SAMD12: variants seen among roughly 807,000 people sequenced by gnomAD.
SAMD12 encodes sterile alpha motif domain-containing protein 12.
In SAMD12, 9 loss-of-function variants were observed where a neutral mutation model predicts 15.0. That is an observed-to-expected ratio of 0.60 (90% CI 0.36 to 1.05). The LOEUF (loss-of-function observed/expected upper bound fraction) is 1.05, where lower values mean the gene tolerates loss of function less well. Among genes scored for constraint, SAMD12 ranks in the 50% least tolerant of loss-of-function variants. The pLI, the probability that SAMD12 is intolerant of heterozygous loss-of-function variation, is 0.01. For synonymous variants in SAMD12, 86 were observed against 90.1 expected, an observed-to-expected ratio of 0.96 and a Z score of 0.25; for missense variants, 230 against 234.2, an observed-to-expected ratio of 0.98 and a Z score of 0.12.
the SAMD12 span, among the ~76,000 whole-genome samples, chr8:118,152,704 G>A: frequency 6.6e-5 from 10 of 152,158 alleles, no homozygotes; most frequent in South Asian, 1.7e-3. Context: ...TCACCATGTC[G>A]CTCAGGCTGG....
chr8:118,413,696 C>G (rs111714823), intron 3 of SAMD12, among the ~76,000 whole-genome samples: 1 of 152,136 alleles, frequency 6.6e-6, no homozygotes, highest in East Asian at 1.9e-4. Context: ...TACTACTTCT[C>G]ACCCTTCATC....
Position 118,524,501 on chromosome 8 carries a change from C to G in SAMD12, c.192+56214G>C, listed in dbSNP as rs150564891. 1.0e-3 allele frequency among the ~76,000 whole-genome samples: 157 copies of G among 152,208 alleles called. 1 individual carries two copies. The highest frequency in any genetic ancestry group is 3.3e-3 in the African/African-American group (138 of 41,540). On this transcript the variant is annotated intron_variant, in intron 2 of 3. Coordinates refer to ENST00000314727, the MANE Select transcript of SAMD12 (RefSeq NM_207506.3). ...CACTGCAGCTCTGCTCTTCCCTCCC[C>G]CTAGGATAACTCGCCCAGTCTCCAG...
rs192468126 is a variant in SAMD12, at chr8:118,620,621, G to A, written c.13+1183C>T. Among the ~76,000 whole-genome samples, 5 of 152,284 alleles carry A rather than the reference G, an allele frequency of 3.3e-5. No individual in the cohort carries two copies. In the East Asian group the frequency reaches 9.7e-4, roughly 29 times the overall value. On this transcript the variant is annotated intron_variant, in intron 1 of 3. Coordinates refer to ENST00000314727, the MANE Select transcript of SAMD12 (RefSeq NM_207506.3). Reference sequence around the variant, plus strand: ...GGGTGCTGAGTATAGGAGCTGGGTTGTTGCTACTTCAGGTTGTTAAGACAG... The same window carrying A: ...GGGTGCTGAGTATAGGAGCTGGGTTATTGCTACTTCAGGTTGTTAAGACAG...
At chr8:118,608,701 G>A (rs549481383) in intron 1 of SAMD12, among the ~76,000 whole-genome samples, 35 of 151,880 alleles carry the variant, frequency 2.3e-4, no homozygotes, top group Non-Finnish European at 4.1e-4. Flanking sequence ...ACAGGGTTTC[G>A]CTATGTTGGC....
intron 2 of SAMD12, among the ~76,000 whole-genome samples, chr8:118,539,588 C>T (rs1431605168): frequency 6.6e-6 from 1 of 152,022 alleles, no homozygotes; most frequent in Non-Finnish European, 1.5e-5. Context: ...CTGCCCATAC[C>T]CCCACCCCAG....
At chr8:118,608,525 A>T (rs1828033446) in intron 1 of SAMD12, among the ~76,000 whole-genome samples, 1 of 151,796 alleles carries the variant, frequency 6.6e-6, no homozygotes, top group Admixed American at 6.6e-5. Flanking sequence ...TGTTTTTGAG[A>T]TGGAGTCTCA....
At chr8:118,167,989 G>C in the SAMD12 span, among the ~76,000 whole-genome samples, 1 of 152,050 alleles carries the variant, frequency 6.6e-6, no homozygotes, top group Admixed American at 6.6e-5. Context: ...CACATGTTTT[G>C]GGAAGTACCC....
the SAMD12 span, among the ~76,000 whole-genome samples, chr8:118,149,048 G>A: frequency 1.3e-5 from 2 of 152,166 alleles, no homozygotes; most frequent in African/African-American, 4.8e-5. Flanking sequence ...TTGAGTATAT[G>A]CCTAAGTGGA....
intron 2 of SAMD12, among the ~76,000 whole-genome samples, chr8:118,546,267 A>C (rs1386233348): frequency 6.6e-6 from 1 of 152,240 alleles, no homozygotes; most frequent in African/African-American, 2.4e-5. Flanking sequence ...AGTAGCACTT[A>C]GCATTAAATG....
At chr8:118,270,350 TTA>T (rs1813324814) in intron 4 of SAMD12, among the ~76,000 whole-genome samples, 2 of 152,210 alleles carry the variant, frequency 1.3e-5, no homozygotes, top group Admixed American at 1.3e-4. Context: ...TTCTTTCCTT[TTA>T]TATGTTTGTG....
intron 4 of SAMD12, chr8:118,197,751 G>A (rs565645310): frequency 1.8e-5 from 29 of 1,610,946 alleles, no homozygotes; most frequent in Non-Finnish European, 2.5e-5. Flanking sequence ...AGAAAAAGGG[G>A]GAAATATGGT....
chr8:118,133,024 A>C, the SAMD12 span, among the ~76,000 whole-genome samples: 566 of 100,720 alleles, frequency 5.6e-3, 9 homozygotes, highest in African/African-American at 0.02. Context: ...ATATATATAT[A>C]TATCTTATTA....
intron 4 of SAMD12, among the ~76,000 whole-genome samples, chr8:118,334,689 AG>A (rs1191568758): frequency 6.6e-6 from 1 of 152,024 alleles, no homozygotes; most frequent in Non-Finnish European, 1.5e-5. Flanking sequence ...TCAACCTCCC[AG>A]GCTCAAGCGA....
At chr8:118,161,074 G>A in the SAMD12 span, among the ~76,000 whole-genome samples, 5 of 152,274 alleles carry the variant, frequency 3.3e-5, no homozygotes, top group African/African-American at 1.2e-4. Context: ...ATAGTTTGCT[G>A]AGAATGATGG....
In SAMD12 at chr8:118,552,959, G is replaced by A. The variant is rs1478417601; in HGVS notation, c.192+27756C>T. 5.3e-5 allele frequency among the ~76,000 whole-genome samples: 8 copies of A among 151,532 alleles called. No homozygotes were observed. In the East Asian group the frequency reaches 1.5e-3, roughly 29 times the overall value. On this transcript the variant is annotated intron_variant, in intron 2 of 3. Coordinates refer to ENST00000314727, the MANE Select transcript of SAMD12 (RefSeq NM_207506.3). ...GCTTCAAAGAGAATAAAATACCTAG[G>A]AATCCAACTTACAAGGGACATGAAG... is the stretch of plus-strand genomic sequence containing the variant.
In SAMD12 at chr8:118,243,461, A is replaced by ATT. The variant is rs78403611; in HGVS notation, c.434-45731_434-45730dup. 2.8e-3 allele frequency among the ~76,000 whole-genome samples: 430 copies of ATT among 151,718 alleles called. 11 individuals carry two copies. In the South Asian group the frequency reaches 0.048, roughly 17 times the overall value. Reference sequence around the variant, plus strand: ...TAACCTGCATGCACTGTACCACTCCATTTTTTTTAAAAAAAACTATATACT... The same window carrying ATT: ...TAACCTGCATGCACTGTACCACTCCATTTTTTTTTTAAAAAAAACTATATACT... On this transcript the variant is annotated intron_variant, in intron 4 of 4. Transcript: ENST00000409003.
In SAMD12 at chr8:118,452,077, C is replaced by A. The variant is rs539591316; in HGVS notation, c.193-12116G>T. Among the ~76,000 whole-genome samples the A allele has an allele frequency of 2.0e-5, 3 of 152,220 alleles. 1 individual carries two copies. The highest frequency in any genetic ancestry group is 7.2e-5 in the African/African-American group (3 of 41,504). Reference sequence around the variant, plus strand: ...TTCTCATAAGAGACCTCAGAGAGCTCGCTCTCTGTCCACCACACAGAGGGA... The same window carrying A: ...TTCTCATAAGAGACCTCAGAGAGCTAGCTCTCTGTCCACCACACAGAGGGA... On this transcript the variant is annotated intron_variant, in intron 2 of 3. Transcript: ENST00000314727.
intron 4 of SAMD12, among the ~76,000 whole-genome samples, chr8:118,255,159 C>T (rs996847508): frequency 6.6e-6 from 1 of 151,914 alleles, no homozygotes; most frequent in South Asian, 2.1e-4. Context: ...AGGGAAAAAT[C>T]AAATACATCT....
At chr8:118,579,183 A>C (rs1827222669) in intron 2 of SAMD12, among the ~76,000 whole-genome samples, 1 of 150,500 alleles carries the variant, frequency 6.6e-6, no homozygotes, top group South Asian at 2.1e-4. Context: ...TAAATCAGAC[A>C]AATATCAATA....
Sources: allele counts gnomAD v4.1 joint callset (sites outside exome capture counted in the v4.1 genomes callset), GRCh38; gene constraint gnomAD v4.1.1; transcripts MANE v1.5; gene names NCBI Gene and HGNC (gene_info 2026-07-23, HGNC 2026-07-21).